Variants in BCL2 observed in about 807,000 individuals in gnomAD.
BCL2 encodes the protein BCL2 apoptosis regulator.
BCL2 carries 1 observed loss-of-function variant against 14.2 expected under a neutral mutation model. The ratio of observed to expected loss-of-function variants is 0.07; its 90% CI spans 0.02 to 0.33. The LOEUF is 0.33. BCL2 is among the 10% of genes least tolerant of loss of function. The pLI, the probability that BCL2 is intolerant of heterozygous loss-of-function variation, is 0.99. For missense variants in BCL2, 247 were observed against 305.9 expected (o/e 0.81, Z 1.44); for synonymous variants, 151 against 137.2 (o/e 1.10, Z -0.70).
At position 63,263,077 on chromosome 18, in the gene BCL2, C is replaced by T. The variant is rs34596364; in HGVS notation, c.585+55005G>A. On this transcript the variant is annotated intron_variant, in intron 2 of 2. Coordinates refer to ENST00000333681, the MANE Select transcript of BCL2 (RefSeq NM_000633.3). The stretch of plus-strand genomic sequence containing the variant: ...AAGACTTTCACAGAGGGGCTGAAAT[C>T]CTTCCCGGAAAACTGTGCTCATCAG... Among the ~76,000 whole-genome samples the T allele has an allele frequency of 9.5e-3, 1,444 of 152,306 alleles. 10 individuals carry two copies. Among genetic ancestry groups the T allele is most frequent in the Middle Eastern group, 0.02 (6 of 294 alleles).
rs4987869 is a variant in BCL2, at chr18:63,123,497, T to G, written c.*5128A>C. The G allele has an allele frequency of 8.2e-3, 1,683 of 205,330 alleles. 7 individuals are homozygous for G. The highest frequency in any genetic ancestry group is 0.019 in the South Asian group (100 of 5,294). The allele number at this position is 205,330 out of a possible 1,614,324, so 12.7% of individuals were successfully genotyped here. ...GGAGACTTACTTTACCTTAACCATG[T>G]AAAGTATCCTTACCGTATTTTTTAT... On this transcript the variant is annotated 3_prime_UTR_variant, in exon 3 of 3. Coordinates refer to ENST00000333681, the MANE Select transcript of BCL2 (RefSeq NM_000633.3).
intron 2 of BCL2, among the ~76,000 whole-genome samples, chr18:63,265,106 C>T (rs151220629): frequency 4.7e-4 from 72 of 152,292 alleles, no homozygotes; most frequent in Non-Finnish European, 8.7e-4. Context: ...GCCTCTCTGT[C>T]GCCAATCAAA....
chr18:63,224,990 C>A (rs1014639854), intron 2 of BCL2, among the ~76,000 whole-genome samples: 1 of 151,096 alleles, frequency 6.6e-6, no homozygotes, highest in East Asian at 1.9e-4. Flanking sequence ...TCTAGCAGGC[C>A]GAGAGAGAAG....
chr18:63,179,584 A>G (rs1013875785), intron 2 of BCL2, among the ~76,000 whole-genome samples: 6 of 152,182 alleles, frequency 3.9e-5, no homozygotes, highest in Admixed American at 1.3e-4. Context: ...AGAAAGCCCT[A>G]TGTTGCGGTG....
chr18:63,173,260 A>T (rs1915270435), intron 2 of BCL2, among the ~76,000 whole-genome samples: 1 of 152,228 alleles, frequency 6.6e-6, no homozygotes, highest in Admixed American at 6.5e-5. Context: ...TTATTCCAGA[A>T]AGAAACTGGC....
chr18:63,225,124 G>A (rs892467678), intron 2 of BCL2, among the ~76,000 whole-genome samples: 1 of 152,078 alleles, frequency 6.6e-6, no homozygotes. Context: ...GAAGATAGAG[G>A]AAAAGTCTGT....
chr18:63,298,216 A>T (rs1311126580), intron 2 of BCL2, among the ~76,000 whole-genome samples: 1 of 152,180 alleles, frequency 6.6e-6, no homozygotes, highest in Non-Finnish European at 1.5e-5. Context: ...CTTTGTTATG[A>T]CAAGAGTTTA....
chr18:63,289,844 A>G (rs1241704777), intron 2 of BCL2, among the ~76,000 whole-genome samples: 3 of 152,218 alleles, frequency 2.0e-5, no homozygotes, highest in Admixed American at 2.0e-4. Flanking sequence ...CAGTGAGCCA[A>G]GATGGTCCCA....
At position 63,169,331 on chromosome 18, in the gene BCL2, TCCTTC is replaced by T. The variant is rs1338733448; in HGVS notation, c.586-40577_586-40573del. 7.2e-4 allele frequency among the ~76,000 whole-genome samples: 47 copies of T among 65,330 alleles called. 3 individuals carry two copies. The highest frequency in any genetic ancestry group is 2.8e-3 in the African/African-American group (26 of 9,178). The allele number at this position is 65,330 out of a possible 152,430, so 42.9% of individuals were successfully genotyped here. A position where few individuals can be genotyped will look rare whatever the true frequency, so the allele number is the denominator to read the frequency against. On this transcript the variant is annotated intron_variant, in intron 2 of 2. Coordinates refer to ENST00000333681, the MANE Select transcript of BCL2 (RefSeq NM_000633.3). The stretch of plus-strand genomic sequence containing the variant: ...TTCTTCCTTCCTTCCTTCTTTCCTT[TCCTTC>T]CTTTCTTTCTTTCTTTCTTTCTTTC...
intron 2 of BCL2, among the ~76,000 whole-genome samples, chr18:63,310,748 T>G (rs1040137305): frequency 6.6e-6 from 1 of 152,266 alleles, no homozygotes; most frequent in Non-Finnish European, 1.5e-5. Flanking sequence ...CCCCGGTTCC[T>G]GGGAACCCAG....
chr18:63,203,295 G>A (rs1004870964), intron 2 of BCL2, among the ~76,000 whole-genome samples: 10 of 152,294 alleles, frequency 6.6e-5, no homozygotes, highest in Middle Eastern at 3.4e-3. Flanking sequence ...GAATTCCTCC[G>A]TCAAGATTTA....
intron 2 of BCL2, among the ~76,000 whole-genome samples, chr18:63,214,230 C>G (rs965605829): frequency 1.3e-5 from 2 of 152,156 alleles, no homozygotes; most frequent in African/African-American, 4.8e-5. Flanking sequence ...GGGACGAGTG[C>G]AGAAAGTGTC....
intron 2 of BCL2, among the ~76,000 whole-genome samples, chr18:63,270,981 T>G (rs1442417805): frequency 2.6e-5 from 4 of 152,134 alleles, no homozygotes; most frequent in Non-Finnish European, 5.9e-5. Flanking sequence ...CCACCACACC[T>G]GGCTAATTTT....
At chr18:63,217,078 C>G (rs914357900) in intron 2 of BCL2, among the ~76,000 whole-genome samples, 1 of 152,162 alleles carries the variant, frequency 6.6e-6, no homozygotes, top group Non-Finnish European at 1.5e-5. Context: ...TTTATGCTTT[C>G]TCTCTCTCAG....
Position 63,319,691 on chromosome 18 carries a change from G to C in BCL2, c.-804C>G. On this transcript the variant is annotated 5_prime_UTR_variant, in exon 1 of 3. In the 5' UTR this introduces an upstream ATG that the reference lacks. Transcript: ENST00000333681. ...AAATGCATTTTCCGAAAAGCTGCTG[G>C]ATAAATGAAGGCAGGACGCGCCTGG... The C allele has an allele frequency of 4.7e-6, 1 of 213,952 alleles. No homozygotes were observed. The allele number at this position is 213,952 out of a possible 1,614,324, so 13.3% of individuals were successfully genotyped here. A position where few individuals can be genotyped will look rare whatever the true frequency, so the allele number is the denominator to read the frequency against.
chr18:63,152,907 C>T (rs1318136061), intron 2 of BCL2, among the ~76,000 whole-genome samples: 1 of 152,206 alleles, frequency 6.6e-6, no homozygotes, highest in African/African-American at 2.4e-5. Context: ...CACATAACTT[C>T]AGCTCAGATT....
chr18:63,318,400 C>A lies in BCL2; in HGVS notation c.267G>T (p.Val89=). ...GGAGGGTCAGGTGGACCACAGGTGG[C>A]ACCGGGCTGAGCGCAGGCCCCGCGG... ...GAAAGPALSP[V]PPVVHLTLRQ... is the part of the protein sequence containing the mutation. Residue 89 remains valine (V), a synonymous_variant, in exon 2 of 3, where the codon GTG becomes GTT. Transcript: ENST00000333681. This position sits in a 1 kb window ranked among gnomAD's most constrained non-coding sequence, Gnocchi z 7.4. The A allele has an allele frequency of 6.4e-7, 1 of 1,564,540 alleles. No homozygotes were observed.
intron 2 of BCL2, among the ~76,000 whole-genome samples, chr18:63,209,881 A>G (rs1172291370): frequency 2.0e-5 from 3 of 152,188 alleles, no homozygotes; most frequent in Non-Finnish European, 4.4e-5. Flanking sequence ...CAGGATCAAG[A>G]GGGTCTAGTG....
chr18:63,175,485 G>T (rs1221895087), intron 2 of BCL2, among the ~76,000 whole-genome samples: 2 of 152,244 alleles, frequency 1.3e-5, no homozygotes, highest in African/African-American at 4.8e-5. Flanking sequence ...AGCCAGCACA[G>T]CTGGGCAACC....
Sources: gnomAD v4.1 joint callset for allele counts (sites outside exome capture counted in the v4.1 genomes callset) on GRCh38, gnomAD v4.1.1 for gene constraint, Gnocchi (gnomAD v3.1) non-coding constraint, MANE v1.5 for transcripts, NCBI Gene and HGNC (gene_info 2026-07-23, HGNC 2026-07-21) for gene names.